The following ZNF385D variants were observed in gnomAD, a reference collection of about 807,000 sequenced individuals.
ZNF385D encodes the protein zinc finger protein 659.
ZNF385D carries 15 observed loss-of-function variants against 35.8 expected under a neutral mutation model. The ratio of observed to expected loss-of-function variants is 0.42; its 90% CI spans 0.28 to 0.64. ZNF385D has a LOEUF of 0.64. ZNF385D is among the 30% of genes least tolerant of loss of function. The probability of loss-of-function intolerance (pLI) is 0.23; values close to 1 mark genes in which losing one functional copy is unlikely to be tolerated. For missense variants in ZNF385D, 474 were observed against 494.6 expected (o/e 0.96, Z 0.39); for synonymous variants, 212 against 186.8 (o/e 1.13, Z -1.10).
intron 3 of ZNF385D, among the ~76,000 whole-genome samples, chr3:22,026,325 C>T (rs1335830025): frequency 1.3e-5 from 2 of 152,154 alleles, no homozygotes; most frequent in Non-Finnish European, 2.9e-5. Context: ...GACCCCCCTA[C>T]ATTACCGACA....
At chr3:21,602,564 C>T (rs35567035) in intron 2 of ZNF385D, among the ~76,000 whole-genome samples, 9,419 of 103,924 alleles carry the variant, frequency 0.091, 491 homozygotes, top group East Asian at 0.2. Context: ...CTTGCTCTGT[C>T]GCCCAGGCCG....
intron 3 of ZNF385D, among the ~76,000 whole-genome samples, chr3:22,003,843 G>A (rs1170839848): frequency 1.3e-5 from 2 of 150,504 alleles, no homozygotes; most frequent in Admixed American, 1.3e-4. Flanking sequence ...CTCCAGCCTG[G>A]GCAACAAAGC....
intron 3 of ZNF385D, among the ~76,000 whole-genome samples, chr3:22,100,332 G>C (rs1450976632): frequency 6.9e-6 from 1 of 144,556 alleles, no homozygotes; most frequent in Non-Finnish European, 1.5e-5. Context: ...CCCATTACTG[G>C]GTATATACCC....
chr3:22,336,767 G>A (rs1043341776), intron 2 of ZNF385D, among the ~76,000 whole-genome samples: 2 of 151,120 alleles, frequency 1.3e-5, no homozygotes, highest in Non-Finnish European at 3.0e-5. Flanking sequence ...GCATAATGTG[G>A]GTTAGTAATC....
At chr3:21,557,444 CT>C (rs1411353312) in intron 3 of ZNF385D, among the ~76,000 whole-genome samples, 1 of 152,080 alleles carries the variant, frequency 6.6e-6, no homozygotes, top group Non-Finnish European at 1.5e-5. Context: ...GTCATTGGTT[CT>C]GTTTATGTGA....
chr3:22,318,300 GAAGAC>G (rs1325476300), intron 2 of ZNF385D, among the ~76,000 whole-genome samples: 4 of 152,120 alleles, frequency 2.6e-5, no homozygotes, highest in Non-Finnish European at 5.9e-5. Context: ...TATCAATATA[GAAGAC>G]AAGATTGAGA....
intron 3 of ZNF385D, among the ~76,000 whole-genome samples, chr3:21,889,921 T>G (rs560847171): frequency 6.6e-6 from 1 of 152,190 alleles, no homozygotes; most frequent in Admixed American, 6.5e-5. Flanking sequence ...GTAAGTCCAA[T>G]CTTCACATAG....
chr3:22,150,004 A>C (rs551295051), intron 3 of ZNF385D, among the ~76,000 whole-genome samples: 26 of 152,312 alleles, frequency 1.7e-4, no homozygotes, highest in South Asian at 1.7e-3. Context: ...CAAATAACTC[A>C]GTTATTTCAG....
intron 3 of ZNF385D, among the ~76,000 whole-genome samples, chr3:22,018,642 A>G (rs1238463964): frequency 6.6e-6 from 1 of 151,998 alleles, no homozygotes; most frequent in Non-Finnish European, 1.5e-5. Context: ...GTATTTTATT[A>G]CACCCAGGTT....
intron 1 of ZNF385D, among the ~76,000 whole-genome samples, chr3:21,722,198 C>T (rs577182973): frequency 1.3e-5 from 2 of 152,262 alleles, no homozygotes; most frequent in Admixed American, 6.5e-5. Flanking sequence ...AATGGCAGCC[C>T]CCAGCAAAGT....
chr3:22,005,446 T>C (rs557994705), intron 3 of ZNF385D, among the ~76,000 whole-genome samples: 7 of 152,154 alleles, frequency 4.6e-5, no homozygotes, highest in East Asian at 1.9e-4. Context: ...GGGTAACTAT[T>C]TTTAACAACA....
intron 3 of ZNF385D, among the ~76,000 whole-genome samples, chr3:22,029,611 A>G (rs1697798286): frequency 6.6e-6 from 1 of 152,226 alleles, no homozygotes; most frequent in Non-Finnish European, 1.5e-5. Flanking sequence ...ATGTTTGTGC[A>G]TATATACACT....
chr3:21,829,380 G>T (rs1322879377), intron 3 of ZNF385D, among the ~76,000 whole-genome samples: 2 of 152,024 alleles, frequency 1.3e-5, no homozygotes, highest in African/African-American at 2.4e-5. Flanking sequence ...AAGTGCAAAG[G>T]CCCAGCATTA....
At chr3:21,772,042 A>G (rs184316460) in intron 3 of ZNF385D, among the ~76,000 whole-genome samples, 1 of 152,034 alleles carries the variant, frequency 6.6e-6, no homozygotes, top group Non-Finnish European at 1.5e-5. Flanking sequence ...AAGAATGTAA[A>G]TGGACTGTTA....
Position 21,424,004 on chromosome 3 carries a change from T to A in ZNF385D, c.913A>T (p.Ser305Cys). ...GTCTTCTGTAGTTTGTTGTAAGGAC[T>A]GTATTTAGGTTTCGGGGGCTTCCCA... ...AAGKPPKPKY[S>C]PYNKLQKTAH... Residue 305 changes from serine (S) to cysteine (C), a missense_variant, in exon 7 of 8, where the codon AGT (serine) becomes TGT (cysteine). Coordinates refer to ENST00000281523, the MANE Select transcript of ZNF385D (RefSeq NM_024697.3). 1 of 1,607,662 alleles carries A rather than the reference T, an allele frequency of 6.2e-7. No homozygotes were observed. Among genetic ancestry groups the A allele is most frequent in the Non-Finnish European group, 8.5e-7 (1 of 1,178,036 alleles).
At chr3:21,452,457 C>A (rs1162099886) in intron 4 of ZNF385D, among the ~76,000 whole-genome samples, 2 of 152,002 alleles carry the variant, frequency 1.3e-5, no homozygotes. Context: ...TAAAAGGTAT[C>A]CAGATTAGAG....
intron 3 of ZNF385D, among the ~76,000 whole-genome samples, chr3:21,864,011 G>C (rs1483055749): frequency 6.6e-6 from 1 of 152,138 alleles, no homozygotes; most frequent in East Asian, 1.9e-4. Flanking sequence ...CCGGTTCATG[G>C]ATTATACGTT....
At chr3:22,092,619 T>TAA (rs1559362773) in intron 3 of ZNF385D, among the ~76,000 whole-genome samples, 1 of 152,164 alleles carries the variant, frequency 6.6e-6, no homozygotes, top group Admixed American at 6.6e-5. Context: ...GCTTCTATTA[T>TAA]GTATCAATTC....
chr3:22,069,073 GT>G (rs1700108262), intron 3 of ZNF385D, among the ~76,000 whole-genome samples: 1 of 152,198 alleles, frequency 6.6e-6, no homozygotes, highest in Non-Finnish European at 1.5e-5. Flanking sequence ...TGTTCAACTA[GT>G]AAAAGGATAT....
Sources: allele counts gnomAD v4.1 joint callset (sites outside exome capture counted in the v4.1 genomes callset), GRCh38; gene constraint gnomAD v4.1.1; transcripts MANE v1.5; gene names NCBI Gene and HGNC (gene_info 2026-07-23, HGNC 2026-07-21).